FBXL13: variants seen among roughly 807,000 people sequenced by gnomAD.
FBXL13 encodes the protein F-box and leucine rich repeat protein 13.
Under a neutral mutation model 83.6 loss-of-function variants are expected in FBXL13, and 67 were observed. That is an observed-to-expected ratio of 0.80 (90% CI 0.66 to 0.98). The LOEUF is 0.98. Ranked by LOEUF, FBXL13 falls within the 50% of genes least tolerant of loss-of-function variation. The pLI is 0.00. For synonymous variants in FBXL13, 272 were observed against 299.5 expected, an observed-to-expected ratio of 0.91 and a Z score of 0.95; for missense variants, 822 against 866.5, an observed-to-expected ratio of 0.95 and a Z score of 0.64.
At chr7:103,034,933 A>G (rs1794926873) in intron 2 of FBXL13, among the ~76,000 whole-genome samples, 1 of 152,258 alleles carries the variant, frequency 6.6e-6, no homozygotes. Context: ...TTTTACTGAG[A>G]GGTATTTCCT....
chr7:102,904,480 ATTT>A (rs145645321), intron 11 of FBXL13, among the ~76,000 whole-genome samples: 6 of 150,668 alleles, frequency 4.0e-5, no homozygotes, highest in African/African-American at 1.5e-4. Context: ...TGTTGGTGTT[ATTT>A]TTTTTCTTAA....
intron 9 of FBXL13, among the ~76,000 whole-genome samples, chr7:102,928,982 A>G (rs1818639002): frequency 6.6e-6 from 1 of 152,216 alleles, no homozygotes; most frequent in African/African-American, 2.4e-5. Flanking sequence ...ACTTTTGAAC[A>G]TAAAGGAACA....
chr7:102,822,418 G>T (rs1415469160), intron 18 of FBXL13: 4 of 666,494 alleles, frequency 6.0e-6, no homozygotes, highest in Non-Finnish European at 8.3e-6. Context: ...CTCCTTATTT[G>T]CAGATGCCTC....
At chr7:103,065,520 C>T (rs775469944) in intron 1 of FBXL13, among the ~76,000 whole-genome samples, 20 of 152,150 alleles carry the variant, frequency 1.3e-4, no homozygotes, top group Non-Finnish European at 2.9e-5. Flanking sequence ...AGAAATCACA[C>T]CCGTGTTTTG....
At chr7:102,940,659 T>C (rs1229258588) in intron 8 of FBXL13, among the ~76,000 whole-genome samples, 6 of 152,216 alleles carry the variant, frequency 3.9e-5, no homozygotes, top group Admixed American at 3.9e-4. Context: ...GCCAGACATA[T>C]TATATCTAGT....
chr7:102,913,327 T>A lies in FBXL13; in HGVS notation c.879-112A>T, dbSNP rs1188190366. 1.2e-5 allele frequency: 16 copies of A among 1,328,110 alleles called. No individual in the cohort carries two copies. The East Asian group carries it at 3.9e-4, about 32-fold the overall frequency. The allele number at this position is 1,328,110 out of a possible 1,614,324, so 82.3% of individuals were successfully genotyped here. A position where few individuals can be genotyped will look rare whatever the true frequency, so the allele number is the denominator to read the frequency against. On this transcript the variant is annotated intron_variant, in intron 10 of 19. Transcript: ENST00000313221. ...TAAATTCAACTCTTCTTCTTGCAGATGTTCAACATTTAACTTTACTGTTAA... is the reference window on the plus strand; with the variant it reads ...TAAATTCAACTCTTCTTCTTGCAGAAGTTCAACATTTAACTTTACTGTTAA...
chr7:102,989,208 A>T (rs1209685820), intron 6 of FBXL13, among the ~76,000 whole-genome samples: 1 of 152,216 alleles, frequency 6.6e-6, no homozygotes, highest in East Asian at 1.9e-4. Flanking sequence ...ATAATTGACA[A>T]ATTTGATCTT....
At chr7:102,835,940 A>G (rs1482561112) in intron 17 of FBXL13, among the ~76,000 whole-genome samples, 1 of 152,180 alleles carries the variant, frequency 6.6e-6, no homozygotes, top group Non-Finnish European at 1.5e-5. Context: ...TAGAGACATT[A>G]ACATTGTTAG....
intron 8 of FBXL13, chr7:102,934,021 T>TGGAGGCCGGAGAGGC: frequency 6.2e-7 from 1 of 1,613,974 alleles, no homozygotes; most frequent in Non-Finnish European, 8.5e-7. Context: ...GCCGGGCGGG[T>TGGAGGCCGGAGAGGC]GGAGGCCGGA....
Position 103,060,037 on chromosome 7 carries a change from T to TACACATATATATACACATATATATATAC in FBXL13, c.-104-4291_-104-4290insGTATATATATATGTGTATATATATGTGT, listed in dbSNP as rs1490824202. ...AAGATATTTTATATATATATATATATATATATATATATATATATATATATA... is the reference window on the plus strand; with the variant it reads ...AAGATATTTTATATATATATATATATACACATATATATACACATATATATATACATATATATATATATATATATATATA... On this transcript the variant is annotated intron_variant, in intron 1 of 19. Transcript: ENST00000313221. Among the ~76,000 whole-genome samples, 117 of 93,226 alleles carry TACACATATATATACACATATATATATAC rather than the reference T, an allele frequency of 1.3e-3. 1 individual carries two copies. The highest frequency in any genetic ancestry group is 5.1e-3 in the African/African-American group (104 of 20,408). The allele number at this position is 93,226 out of a possible 152,430, so 61.2% of individuals were successfully genotyped here.
At chr7:103,037,613 G>A (rs1330519752) in intron 2 of FBXL13, among the ~76,000 whole-genome samples, 3 of 151,892 alleles carry the variant, frequency 2.0e-5, no homozygotes, top group Non-Finnish European at 4.4e-5. Flanking sequence ...GAGACCAGCT[G>A]GGGCAACACA....
intron 17 of FBXL13, among the ~76,000 whole-genome samples, chr7:102,839,015 C>G (rs1020673322): frequency 2.6e-5 from 4 of 152,180 alleles, no homozygotes; most frequent in African/African-American, 9.7e-5. Context: ...CCTGCCTGCC[C>G]CTGGAAACGG....
intron 2 of FBXL13, among the ~76,000 whole-genome samples, chr7:103,042,622 A>G (rs1795846214): frequency 6.6e-6 from 1 of 152,244 alleles, no homozygotes; most frequent in Admixed American, 6.5e-5. Flanking sequence ...CAAAACAGAT[A>G]TATAGACCAA....
chr7:102,821,954 C>T (rs1798858571), intron 19 of FBXL13, 86 bp downstream of exon 20: 1 of 1,344,890 alleles, frequency 7.4e-7, no homozygotes, highest in East Asian at 2.3e-5. Flanking sequence ...CTGAAAGCTG[C>T]TATGTATTAT....
chr7:102,911,958 T>C (rs535702759), intron 11 of FBXL13, among the ~76,000 whole-genome samples: 3 of 152,310 alleles, frequency 2.0e-5, no homozygotes, highest in Non-Finnish European at 4.4e-5. Flanking sequence ...GGCATCAGGA[T>C]ACCACAAGAT....
intron 17 of FBXL13, among the ~76,000 whole-genome samples, chr7:102,842,132 T>C (rs1225624836): frequency 1.3e-5 from 2 of 152,082 alleles, no homozygotes; most frequent in Non-Finnish European, 2.9e-5. Flanking sequence ...AGACAAAAGA[T>C]CCAAATGTCC....
At chr7:102,873,031 T>C (rs559593313) in intron 16 of FBXL13, among the ~76,000 whole-genome samples, 92 of 152,378 alleles carry the variant, frequency 6.0e-4, no homozygotes, top group African/African-American at 2.2e-3. Context: ...TTCTCCTCTT[T>C]GCTTCCCCCA....
intron 6 of FBXL13, among the ~76,000 whole-genome samples, chr7:103,014,813 C>T (rs1792068707): frequency 6.8e-6 from 1 of 147,900 alleles, no homozygotes. Context: ...GTCCCAGCTA[C>T]TTGGGAGGCT....
chr7:102,983,042 G>A (rs936382386), intron 6 of FBXL13, among the ~76,000 whole-genome samples: 3 of 152,036 alleles, frequency 2.0e-5, no homozygotes, highest in South Asian at 4.1e-4. Flanking sequence ...TTTTTGGAGT[G>A]TAGTGCACTT....
Sources: gnomAD v4.1 joint callset for allele counts (sites outside exome capture counted in the v4.1 genomes callset) on GRCh38, gnomAD v4.1.1 for gene constraint, MANE v1.5 for transcripts, NCBI Gene and HGNC (gene_info 2026-07-23, HGNC 2026-07-21) for gene names.